CDIN1: variants seen among roughly 807,000 people sequenced by gnomAD.
CDIN1 encodes CDAN1 interacting nuclease 1.
Under a neutral mutation model 45.3 loss-of-function variants are expected in CDIN1, and 33 were observed. The ratio of observed to expected loss-of-function variants is 0.73; its 90% confidence interval spans 0.55 to 0.97. The LOEUF (loss-of-function observed/expected upper bound fraction) is 0.97. CDIN1 is among the 50% of genes least tolerant of loss of function. The pLI, the probability that CDIN1 is intolerant of heterozygous loss-of-function variation, is 0.00. For missense variants in CDIN1, 303 were observed against 339.4 expected (o/e 0.89, Z 0.84); for synonymous variants, 118 against 124.4 (o/e 0.95, Z 0.34).
At chr15:36,690,262 C>T (rs2042196068) in intron 5 of CDIN1, among the ~76,000 whole-genome samples, 1 of 151,844 alleles carries the variant, frequency 6.6e-6, no homozygotes, top group Admixed American at 6.6e-5. Context: ...ACAGTATTTA[C>T]TAACATTTTT....
intron 5 of CDIN1, among the ~76,000 whole-genome samples, chr15:36,690,029 C>T (rs1041629583): frequency 2.0e-5 from 3 of 152,136 alleles, no homozygotes; most frequent in African/African-American, 4.8e-5. Context: ...AGAGATAGGG[C>T]TGGATAGGAT....
chr15:36,696,359 T>A (rs2042424836), intron 7 of CDIN1: 1 of 152,342 alleles, frequency 6.6e-6, no homozygotes, highest in East Asian at 1.9e-4. Context: ...ACAAGTTACT[T>A]GTTTGGCTTG....
chr15:36,663,907 C>G (rs540222665), intron 5 of CDIN1, among the ~76,000 whole-genome samples: 1 of 152,276 alleles, frequency 6.6e-6, no homozygotes, highest in Non-Finnish European at 1.5e-5. Context: ...GAAGATGATC[C>G]AGCAACACTG....
chr15:36,780,022 C>G (rs928619342), intron 10 of CDIN1, among the ~76,000 whole-genome samples: 13 of 152,154 alleles, frequency 8.5e-5, no homozygotes, highest in Non-Finnish European at 1.5e-5. Flanking sequence ...CAATCTAGAA[C>G]TCCCATAGTC....
intron 10 of CDIN1, among the ~76,000 whole-genome samples, chr15:36,776,610 T>G (rs142760656): frequency 6.6e-6 from 1 of 152,232 alleles, no homozygotes; most frequent in Non-Finnish European, 1.5e-5. Flanking sequence ...TCTGTCATTA[T>G]ATTGTTTCTG....
intron 10 of CDIN1, among the ~76,000 whole-genome samples, chr15:36,714,187 TAG>T (rs2043146703): frequency 6.6e-6 from 1 of 152,218 alleles, no homozygotes; most frequent in Admixed American, 6.5e-5. Context: ...TTCAAATGTG[TAG>T]ACTTTTGCAG....
intron 1 of CDIN1, among the ~76,000 whole-genome samples, chr15:36,631,038 C>G (rs1159075878): frequency 5.3e-5 from 8 of 152,184 alleles, no homozygotes. Context: ...GTAAACCAAA[C>G]TATAGCGGAT....
intron 1 of CDIN1, among the ~76,000 whole-genome samples, chr15:36,621,896 C>CTTTTT: frequency 7.3e-6 from 1 of 136,360 alleles, no homozygotes; most frequent in African/African-American, 2.9e-5. Flanking sequence ...CCTCCAAGGG[C>CTTTTT]TTTTAATAGA....
chr15:36,741,007 G>A (rs2140939739), intron 10 of CDIN1, among the ~76,000 whole-genome samples: 1 of 152,158 alleles, frequency 6.6e-6, no homozygotes, highest in South Asian at 2.1e-4. Context: ...CACGATCATG[G>A]CTCACTGCAG....
chr15:36,797,877 G>A (rs1165245548), intron 10 of CDIN1, among the ~76,000 whole-genome samples: 1 of 151,500 alleles, frequency 6.6e-6, no homozygotes, highest in Admixed American at 6.6e-5. Context: ...CTCCTCAGGA[G>A]ACTGAGGCAG....
chr15:36,740,121 G>A (rs896750922), intron 10 of CDIN1, among the ~76,000 whole-genome samples: 12 of 152,126 alleles, frequency 7.9e-5, no homozygotes, highest in African/African-American at 2.7e-4. Flanking sequence ...GAATATTAAC[G>A]GCTCTGAGAA....
At chr15:36,729,551 C>A (rs993945202) in intron 10 of CDIN1, among the ~76,000 whole-genome samples, 1 of 152,020 alleles carries the variant, frequency 6.6e-6, no homozygotes, top group South Asian at 2.1e-4. Flanking sequence ...GATAAATATG[C>A]CTTTGTCATG....
intron 10 of CDIN1, among the ~76,000 whole-genome samples, chr15:36,746,747 C>T (rs1303495908): frequency 1.5e-5 from 2 of 135,336 alleles, no homozygotes; most frequent in Non-Finnish European, 3.1e-5. Context: ...AAGTTGGAAA[C>T]GTGTCTTTTT....
intron 10 of CDIN1, among the ~76,000 whole-genome samples, chr15:36,765,828 T>A (rs1370905287): frequency 6.6e-6 from 1 of 152,204 alleles, no homozygotes; most frequent in Non-Finnish European, 1.5e-5. Flanking sequence ...ATCATGGTGA[T>A]AGACATACAC....
chr15:36,757,837 A>T (rs2053648562), intron 10 of CDIN1, among the ~76,000 whole-genome samples: 1 of 152,078 alleles, frequency 6.6e-6, no homozygotes, highest in Non-Finnish European at 1.5e-5. Flanking sequence ...TCATCTCATC[A>T]TGTGGACATT....
At chr15:36,622,419 C>T (rs934066670) in intron 1 of CDIN1, among the ~76,000 whole-genome samples, 4 of 152,224 alleles carry the variant, frequency 2.6e-5, no homozygotes, top group Admixed American at 2.6e-4. Context: ...AGGCAGTGTT[C>T]ATAGAAGTAC....
At chr15:36,619,206 A>T in intron 1 of CDIN1, 1 of 1,323,102 alleles carries the variant, frequency 7.6e-7, no homozygotes, top group Non-Finnish European at 1.0e-6. Context: ...GTAGGGCTAT[A>T]CCTCAGGGAG....
intron 1 of CDIN1, chr15:36,613,822 C>T: frequency 1.2e-6 from 2 of 1,601,940 alleles, no homozygotes. Flanking sequence ...AAGCTAAGCA[C>T]ATTGCAGAAG....
In CDIN1 at chr15:36,683,035, T is replaced by A. The variant is rs145834359; in HGVS notation, c.347-8650T>A. Among the ~76,000 whole-genome samples, 602 of 152,302 alleles carry A rather than the reference T, an allele frequency of 4.0e-3. 4 individuals are homozygous for A. Among genetic ancestry groups the A allele is most frequent in the African/African-American group, 0.014 (576 of 41,576 alleles). ...AGTGATGTATTAGAGGGAGGCTTCC[T>A]GATTGGAGTGAATGTATTTCAATTT... On this transcript the variant is annotated intron_variant, in intron 5 of 10. Coordinates refer to ENST00000566621, the MANE Select transcript of CDIN1 (RefSeq NM_001321759.2).
Sources: gnomAD v4.1 joint callset for allele counts (sites outside exome capture counted in the v4.1 genomes callset) on GRCh38, gnomAD v4.1.1 for gene constraint, MANE v1.5 for transcripts, NCBI Gene and HGNC (gene_info 2026-07-23, HGNC 2026-07-21) for gene names.